Variants in FAIM2 observed in about 807,000 individuals in gnomAD.
The protein encoded by FAIM2 is protein lifeguard 2.
A neutral mutation model predicts 47.4 loss-of-function variants in FAIM2; 27 were observed. The ratio of observed to expected loss-of-function variants is 0.57; its 90% CI spans 0.42 to 0.78. The LOEUF (loss-of-function observed/expected upper bound fraction) is 0.78, where lower values mean the gene tolerates loss of function less well. Among genes scored for constraint, FAIM2 ranks in the 30% least tolerant of loss-of-function variants. The pLI is 0.00. For synonymous variants in FAIM2, 156 were observed against 159.3 expected (o/e 0.98, Z 0.16); for missense variants, 311 against 389.4 (o/e 0.80, Z 1.69).
In FAIM2 at chr12:49,868,026, C is replaced by T. The variant is rs3205718; in HGVS notation, c.*2478G>A. The T allele has an allele frequency of 0.3, 46,751 of 154,424 alleles. 7,905 individuals are homozygous for T. The highest frequency in any genetic ancestry group is 0.41 in the Middle Eastern group (122 of 300). 9.6% of individuals were successfully genotyped at this position (154,424 alleles called of 1,614,324 possible). A position where few individuals can be genotyped will look rare whatever the true frequency, so the allele number is the denominator to read the frequency against. ...TTATTGCCGAGGACCTGTCCCTCCT[C>T]CCCCAAGCTTTTGGCACTCAGCCCT... On this transcript the variant is annotated 3_prime_UTR_variant, in exon 12 of 12. Transcript: ENST00000320634.
chr12:49,885,109 A>G (rs1026528198), intron 11 of FAIM2, among the ~76,000 whole-genome samples: 1 of 152,170 alleles, frequency 6.6e-6, no homozygotes, highest in Non-Finnish European at 1.5e-5. Flanking sequence ...ACAGGTGTGA[A>G]AGTGCTTTGT....
At chr12:49,879,682 G>T (rs976627877) in intron 11 of FAIM2, among the ~76,000 whole-genome samples, 1 of 131,652 alleles carries the variant, frequency 7.6e-6, no homozygotes, top group Non-Finnish European at 1.6e-5. Flanking sequence ...GTGCATGTGT[G>T]TATCTGTGTC....
chr12:49,879,602 G>C (rs1037885798), intron 11 of FAIM2, among the ~76,000 whole-genome samples: 1 of 151,748 alleles, frequency 6.6e-6, no homozygotes, highest in African/African-American at 2.4e-5. Flanking sequence ...GTGTGCATGC[G>C]AGTGTATGTG....
At chr12:49,900,306 C>A in intron 2 of FAIM2, 1 of 985,858 alleles carries the variant, frequency 1.0e-6, no homozygotes, top group South Asian at 1.6e-5. Context: ...TTCTAGAATC[C>A]TGCTGGAGGT....
chr12:49,881,354 A>C (rs836959), intron 11 of FAIM2, among the ~76,000 whole-genome samples: 116,478 of 152,138 alleles, frequency 0.77, 45,080 homozygotes, highest in African/African-American at 0.86. Context: ...GGAAGTGAAG[A>C]GGTCTATTCC....
Position 49,897,771 on chromosome 12 carries a change from C to CT in FAIM2, c.316-189_316-188insA, listed in dbSNP as rs1555160259. 4.6e-5 allele frequency among the ~76,000 whole-genome samples: 7 copies of CT among 152,046 alleles called. No homozygotes were observed. In the South Asian group the frequency reaches 8.3e-4, roughly 18 times the overall value. On this transcript the variant is annotated intron_variant, in intron 3 of 11. Coordinates refer to ENST00000320634, the MANE Select transcript of FAIM2 (RefSeq NM_012306.4). ...TGCTGCAGAGCCAAGCGCACCCCCC[C>CT]CCAGCATTGGGAGAAAAGAGGGGAC...
chr12:49,886,115 G>T (rs1378088256), intron 11 of FAIM2, among the ~76,000 whole-genome samples: 1 of 152,238 alleles, frequency 6.6e-6, no homozygotes, highest in Non-Finnish European at 1.5e-5. Context: ...GGAGGGGAGA[G>T]TCTGGTTACT....
intron 11 of FAIM2, among the ~76,000 whole-genome samples, chr12:49,879,045 T>TG (rs1491233336): frequency 7.6e-6 from 1 of 131,220 alleles, no homozygotes; most frequent in Admixed American, 8.5e-5. Flanking sequence ...TGTGCATGAG[T>TG]TTGTGTATGT....
rs530310900 is a variant in FAIM2 at position 49,879,764 on chromosome 12, GCA to G, written c.801+7620_801+7621del. On this transcript the variant is annotated intron_variant, in intron 11 of 11. Transcript: ENST00000320634. ...TGAATGTGTATGCATGTATGTGTGTGCACGTGTGTATATATGTGCATGTGTGT... is the reference window on the plus strand; with the variant it reads ...TGAATGTGTATGCATGTATGTGTGTGCGTGTGTATATATGTGCATGTGTGT... Among the ~76,000 whole-genome samples, 406 of 150,670 alleles carry G rather than the reference GCA, an allele frequency of 2.7e-3. 4 individuals are homozygous for G. Among genetic ancestry groups the G allele is most frequent in the African/African-American group, 9.5e-3 (385 of 40,638 alleles).
At chr12:49,883,630 G>C (rs1430940104) in intron 11 of FAIM2, among the ~76,000 whole-genome samples, 4 of 152,122 alleles carry the variant, frequency 2.6e-5, no homozygotes, top group Non-Finnish European at 5.9e-5. Context: ...AGATGTAAAT[G>C]TTAGAGTAAT....
intron 11 of FAIM2, among the ~76,000 whole-genome samples, chr12:49,886,345 A>G (rs1946860986): frequency 6.6e-6 from 1 of 152,198 alleles, no homozygotes; most frequent in Non-Finnish European, 1.5e-5. Context: ...ACTTAGCCTC[A>G]GACCCCAAGG....
At chr12:49,873,352 G>C (rs1000420384) in intron 11 of FAIM2, among the ~76,000 whole-genome samples, 1 of 152,092 alleles carries the variant, frequency 6.6e-6, no homozygotes, top group African/African-American at 2.4e-5. Flanking sequence ...TTGTATTTTT[G>C]AGTATGATTT....
chr12:49,894,154 A>G (rs1716203829), intron 5 of FAIM2, among the ~76,000 whole-genome samples: 1 of 152,224 alleles, frequency 6.6e-6, no homozygotes, highest in Non-Finnish European at 1.5e-5. Flanking sequence ...GCGAAACAAA[A>G]ATACTGGTAC....
At chr12:49,871,917 C>A (rs557783480) in intron 11 of FAIM2, among the ~76,000 whole-genome samples, 4 of 152,156 alleles carry the variant, frequency 2.6e-5, no homozygotes, top group Non-Finnish European at 5.9e-5. Context: ...CTGCCCGCCT[C>A]GGCCTCTCAA....
At chr12:49,897,667 G>A in intron 3 of FAIM2, 84 bp from the exon 4 acceptor site, 4 of 1,006,516 alleles carry the variant, frequency 4.0e-6, no homozygotes, top group South Asian at 2.9e-5. Flanking sequence ...ACCTCTCCAG[G>A]TCCCCATCCT....
chr12:49,884,702 T>G (rs1946848473), intron 11 of FAIM2, among the ~76,000 whole-genome samples: 1 of 152,164 alleles, frequency 6.6e-6, no homozygotes, highest in African/African-American at 2.4e-5. Flanking sequence ...AGGACGGGCA[T>G]GGTCACTCAC....
intron 11 of FAIM2, among the ~76,000 whole-genome samples, chr12:49,877,261 C>T (rs964559461): frequency 1.6e-4 from 24 of 152,162 alleles, no homozygotes; most frequent in African/African-American, 5.6e-4. Flanking sequence ...ACAGGCAGGC[C>T]GCAGGAGGGG....
At chr12:49,903,715 A>G in intron 1 of FAIM2, 63 bp downstream of exon 1, 3 of 1,547,350 alleles carry the variant, frequency 1.9e-6, no homozygotes, top group Non-Finnish European at 2.6e-6. Flanking sequence ...GGGCTTGCTG[A>G]GGATGACAGG....
intron 9 of FAIM2, 120 bp from the exon 10 acceptor site, chr12:49,889,322 T>C: frequency 1.0e-6 from 1 of 967,462 alleles, no homozygotes; most frequent in Non-Finnish European, 1.6e-6. Context: ...CTGGCATTCC[T>C]TCCCCTCCTC....
Sources: gnomAD v4.1 joint callset for allele counts (sites outside exome capture counted in the v4.1 genomes callset) on GRCh38, gnomAD v4.1.1 for gene constraint, MANE v1.5 for transcripts, NCBI Gene and HGNC (gene_info 2026-07-23, HGNC 2026-07-21) for gene names.